The following TMPRSS11A variants were observed in gnomAD, a reference collection of about 807,000 sequenced individuals.
The protein encoded by TMPRSS11A is transmembrane protease serine 11A.
In TMPRSS11A, 53 loss-of-function variants were observed where a neutral mutation model predicts 58.9. The ratio of observed to expected loss-of-function variants is 0.90; its 90% confidence interval spans 0.72 to 1.13. The LOEUF (loss-of-function observed/expected upper bound fraction) is 1.13, where lower values mean the gene tolerates loss of function less well. TMPRSS11A is among the 50% of genes most tolerant of loss of function. The pLI, the probability that TMPRSS11A is intolerant of heterozygous loss-of-function variation, is 0.00. For synonymous variants in TMPRSS11A, 167 were observed against 169.8 expected (o/e 0.98, Z 0.13); for missense variants, 493 against 499.3 (o/e 0.99, Z 0.12).
chr4:67,914,835 C>T lies in TMPRSS11A; in HGVS notation c.953-105G>A. 3 of 967,128 alleles carry T rather than the reference C, an allele frequency of 3.1e-6. No individual in the cohort carries two copies. The South Asian group carries it at 5.6e-5, about 18-fold the overall frequency. 59.9% of individuals were successfully genotyped at this position (967,128 alleles called of 1,614,324 possible). On this transcript the variant is annotated intron_variant, in intron 8 of 9. Coordinates refer to ENST00000508048, the MANE Select transcript of TMPRSS11A (RefSeq NM_001114387.2). ...TTTTTTCATGGTAAAATTGTCAATA[C>T]AGAATGAAGTTAATATAAGCAGTTT...
At position 67,963,460 on chromosome 4, in the gene TMPRSS11A, T is replaced by A; in HGVS notation, c.-67A>T. The stretch of plus-strand genomic sequence containing the variant: ...GAACTCAACTTTCTAATCAACTATA[T>A]GACATCTCTAGATGTATTAGAAGTC... On this transcript the variant is annotated 5_prime_UTR_variant, in exon 1 of 10. Coordinates refer to ENST00000508048, the MANE Select transcript of TMPRSS11A (RefSeq NM_001114387.2). 6.5e-7 allele frequency: 1 copy of A among 1,549,574 alleles called. No homozygotes were observed. The highest frequency in any genetic ancestry group is 8.9e-7 in the Non-Finnish European group (1 of 1,125,528).
At chr4:67,934,215 C>T (rs764641508) in intron 3 of TMPRSS11A, among the ~76,000 whole-genome samples, 9 of 152,054 alleles carry the variant, frequency 5.9e-5, no homozygotes, top group South Asian at 2.1e-4. Context: ...CTGAGGACAA[C>T]GCTTTGAGAA....
rs143251015 is a variant in TMPRSS11A at position 67,916,720 on chromosome 4, G to A, written c.953-1990C>T. Among the ~76,000 whole-genome samples, 488 of 152,176 alleles carry A rather than the reference G, an allele frequency of 3.2e-3. 1 individual carries two copies. Among genetic ancestry groups the A allele is most frequent in the African/African-American group, 0.011 (475 of 41,504 alleles). The stretch of plus-strand genomic sequence containing the variant: ...TGGGCGCCTGCAGTCCCAGCTACTC[G>A]GGAGGCTGAGGCAGGAGAATGGCGT... On this transcript the variant is annotated intron_variant, in intron 8 of 9. Transcript: ENST00000508048.
At chr4:67,936,032 T>C (rs567001690) in intron 3 of TMPRSS11A, among the ~76,000 whole-genome samples, 14 of 152,182 alleles carry the variant, frequency 9.2e-5, no homozygotes, top group Non-Finnish European at 2.9e-5. Flanking sequence ...TCACGTTTCA[T>C]AGAAGAGGAA....
intron 2 of TMPRSS11A, 82 bp from the exon 3 acceptor site, chr4:67,944,719 C>A: frequency 8.9e-7 from 1 of 1,119,714 alleles, no homozygotes; most frequent in Non-Finnish European, 1.3e-6. Context: ...CAATATAAAT[C>A]TTGAATATGT....
intron 1 of TMPRSS11A, 56 bp downstream of exon 1, chr4:67,963,327 G>A (rs1316053254): frequency 8.8e-6 from 14 of 1,596,938 alleles, no homozygotes; most frequent in African/African-American, 5.4e-5. Context: ...TCAGGAATCC[G>A]GCCACTGACA....
rs777981644 is a variant in TMPRSS11A at position 67,946,434 on chromosome 4, C to T, written c.133+16G>A. On this transcript the variant is annotated intron_variant, in intron 2 of 9. Transcript: ENST00000508048. Reference sequence around the variant, plus strand: ...AAAATAAAATCAAATAGAGTGAAATCTTTAATTTTACCTACCAAATACTAG... The same window carrying T: ...AAAATAAAATCAAATAGAGTGAAATTTTTAATTTTACCTACCAAATACTAG... 7 of 1,579,864 alleles carry T rather than the reference C, an allele frequency of 4.4e-6. No individual in the cohort carries two copies. Among genetic ancestry groups the T allele is most frequent in the Non-Finnish European group, 6.0e-6 (7 of 1,166,884 alleles).
intron 2 of TMPRSS11A, 115 bp from the exon 3 acceptor site, chr4:67,944,752 G>T: frequency 1.3e-6 from 1 of 788,284 alleles, no homozygotes; most frequent in Non-Finnish European, 2.0e-6. Context: ...TCATAATTGA[G>T]TTTTATTTAA....
Position 67,919,077 on chromosome 4 carries a change from G to T in TMPRSS11A, c.848C>A (p.Thr283Asn), listed in dbSNP as rs1218888211. The T allele has an allele frequency of 6.2e-7, 1 of 1,614,174 alleles. No individual in the cohort carries two copies. ...AATCTGGCGTATGTCATCCGAAAAGGTGACTCTGGAAGAGACCTGCACAAC... is the reference window on the plus strand; with the variant it reads ...AATCTGGCGTATGTCATCCGAAAAGTTGACTCTGGAAGAGACCTGCACAAC... Reference protein sequence around the residue: ...IAVVQVSSRVTFSDDIRQICL... With the variant: ...IAVVQVSSRVNFSDDIRQICL... Residue 283 changes from threonine to asparagine, a missense_variant, in exon 8 of 10, where the codon ACC (threonine) becomes AAC (asparagine). By Grantham distance (65) the Thr-to-Asn change is moderately conservative. Coordinates refer to ENST00000508048, the MANE Select transcript of TMPRSS11A (RefSeq NM_001114387.2).
At chr4:67,921,024 A>G (rs1720310810) in intron 7 of TMPRSS11A, among the ~76,000 whole-genome samples, 1 of 152,200 alleles carries the variant, frequency 6.6e-6, no homozygotes. Flanking sequence ...TTTGGTCTGA[A>G]AAAGAGAAAC....
intron 3 of TMPRSS11A, among the ~76,000 whole-genome samples, chr4:67,937,107 G>A (rs976341514): frequency 6.6e-6 from 1 of 152,146 alleles, no homozygotes; most frequent in Non-Finnish European, 1.5e-5. Flanking sequence ...GAATGATGAT[G>A]ATAAACTAAA....
At chr4:67,924,023 C>A in intron 6 of TMPRSS11A, 105 bp downstream of exon 6, 1 of 943,638 alleles carries the variant, frequency 1.1e-6, no homozygotes, top group Non-Finnish European at 1.7e-6. Flanking sequence ...GTTATTATCT[C>A]TCAAAGAAAA....
intron 3 of TMPRSS11A, 59 bp from the exon 4 acceptor site, chr4:67,932,119 T>C: frequency 1.0e-6 from 1 of 985,616 alleles, no homozygotes. Flanking sequence ...TAGGAATATA[T>C]CCTTGATTAA....
chr4:67,917,135 CTTA>C (rs1720179958), intron 8 of TMPRSS11A, among the ~76,000 whole-genome samples: 1 of 151,344 alleles, frequency 6.6e-6, no homozygotes, highest in African/African-American at 2.4e-5. Context: ...CATTTCTATT[CTTA>C]TTCTTATTAT....
At chr4:67,927,894 T>C (rs1287426648) in intron 5 of TMPRSS11A, among the ~76,000 whole-genome samples, 1 of 152,230 alleles carries the variant, frequency 6.6e-6, no homozygotes, top group African/African-American at 2.4e-5. Context: ...TATTTCCTTG[T>C]ATATCGTTAT....
At chr4:67,922,484 G>T (rs574269940) in intron 7 of TMPRSS11A, among the ~76,000 whole-genome samples, 1 of 152,112 alleles carries the variant, frequency 6.6e-6, no homozygotes, top group Non-Finnish European at 1.5e-5. Context: ...TTTGTGTTAG[G>T]ATGTCACAAA....
At position 67,944,582 on chromosome 4, in the gene TMPRSS11A, A is replaced by G. The variant is rs748450150; in HGVS notation, c.189T>C (p.Asn63=). ...GSFKILDPQI[N]NNFGQSNTYQ... ...ATGTGTTGCTTTGTCCGAAATTGTT[A>G]TTGATTTGTGGATCTAAAATTTTAA... Residue 63 remains asparagine (N), a synonymous_variant, in exon 3 of 10, where the codon AAT becomes AAC. Transcript: ENST00000508048. 28 of 1,612,988 alleles carry G rather than the reference A, an allele frequency of 1.7e-5. No homozygotes were observed. In the South Asian group the frequency reaches 3.0e-4, roughly 17 times the overall value.
intron 8 of TMPRSS11A, among the ~76,000 whole-genome samples, chr4:67,916,751 C>T (rs1720160727): frequency 6.6e-6 from 1 of 151,954 alleles, no homozygotes. Flanking sequence ...GGCGTGAACC[C>T]GGGAGGCGGA....
intron 4 of TMPRSS11A, 39 bp from the exon 5 acceptor site, chr4:67,930,079 C>A: frequency 3.8e-6 from 6 of 1,575,708 alleles, no homozygotes; most frequent in Non-Finnish European, 5.2e-6. Flanking sequence ...TCAAAGAATA[C>A]ACCTGGAATT....
Sources: gnomAD v4.1 joint callset for allele counts (sites outside exome capture counted in the v4.1 genomes callset) on GRCh38, gnomAD v4.1.1 for gene constraint, MANE v1.5 for transcripts, NCBI Gene and HGNC (gene_info 2026-07-23, HGNC 2026-07-21) for gene names.